Variants in RBM17 observed in about 807,000 individuals in gnomAD.
The protein encoded by RBM17 is RNA binding motif protein 17, also known as splicing factor 45.
Under a neutral mutation model 53.2 loss-of-function variants are expected in RBM17, and 7 were observed. That is an observed-to-expected ratio of 0.13 (90% CI 0.07 to 0.25). The LOEUF (loss-of-function observed/expected upper bound fraction) is 0.25. RBM17 is among the 10% of genes least tolerant of loss of function. RBM17 has a pLI of 1.00. For missense variants in RBM17, 257 were observed against 496.7 expected (o/e 0.52, Z 4.59); for synonymous variants, 167 against 178.1 (o/e 0.94, Z 0.50).
intron 3 of RBM17, among the ~76,000 whole-genome samples, chr10:6,101,643 G>A (rs1840671236): frequency 2.0e-5 from 3 of 152,108 alleles, no homozygotes; most frequent in African/African-American, 4.8e-5. Flanking sequence ...CATACAATCC[G>A]GAAGTGAAAA....
intron 9 of RBM17, 59 bp from the exon 10 acceptor site, chr10:6,113,990 C>A: frequency 9.2e-7 from 1 of 1,081,790 alleles, no homozygotes; most frequent in Non-Finnish European, 1.4e-6. Context: ...TTATATACCT[C>A]TGCTAGGTGT....
chr10:6,113,985 TAC>T, intron 9 of RBM17, 62 bp from the exon 10 acceptor site: 1 of 1,028,396 alleles, frequency 9.7e-7, no homozygotes, highest in South Asian at 1.4e-5. Context: ...CATATTTATA[TAC>T]CTCTGCTAGG....
intron 2 of RBM17, among the ~76,000 whole-genome samples, chr10:6,098,573 T>TTTTTTTTTTGG: frequency 8.2e-6 from 1 of 121,340 alleles, no homozygotes; most frequent in African/African-American, 3.0e-5. Context: ...GTTTTTTTTT[T>TTTTTTTTTTGG]TTTTTTTTTT....
intron 1 of RBM17, among the ~76,000 whole-genome samples, chr10:6,092,564 C>G (rs566325596): frequency 6.6e-6 from 1 of 152,134 alleles, no homozygotes; most frequent in African/African-American, 2.4e-5. Flanking sequence ...GTTTCTTAGT[C>G]TAGATCCTGT....
At chr10:6,108,497 C>T in intron 5 of RBM17, 189 bp from the exon 6 acceptor site, 1 of 488,958 alleles carries the variant, frequency 2.0e-6, no homozygotes, top group Non-Finnish European at 3.7e-6. Context: ...GGAGTGTTGC[C>T]ACTTTTCTAC....
intron 5 of RBM17, among the ~76,000 whole-genome samples, chr10:6,108,294 T>C (rs1338792059): frequency 6.6e-6 from 1 of 152,112 alleles, no homozygotes; most frequent in East Asian, 1.9e-4. Flanking sequence ...ACTTCAGAGG[T>C]CTGTGAAGCC....
intron 7 of RBM17, 94 bp downstream of exon 7, chr10:6,110,221 A>G (rs1263486852): frequency 1.5e-5 from 18 of 1,180,128 alleles, no homozygotes; most frequent in Non-Finnish European, 1.5e-5. Flanking sequence ...AACTGAGGAC[A>G]TTCAGGACCC....
At chr10:6,105,455 C>A (rs1443378077) in intron 4 of RBM17, among the ~76,000 whole-genome samples, 1 of 152,182 alleles carries the variant, frequency 6.6e-6, no homozygotes, top group Non-Finnish European at 1.5e-5. Context: ...TGCCAACATG[C>A]CGCTCAAAGG....
At chr10:6,113,950 T>C in intron 9 of RBM17, 99 bp from the exon 10 acceptor site, 1 of 764,680 alleles carries the variant, frequency 1.3e-6, no homozygotes, top group East Asian at 2.7e-5. Flanking sequence ...TCGTTTGGGA[T>C]TGAGAACATT....
At chr10:6,096,536 C>T (rs1036847664) in intron 1 of RBM17, among the ~76,000 whole-genome samples, 3 of 152,076 alleles carry the variant, frequency 2.0e-5, no homozygotes, top group African/African-American at 7.2e-5. Context: ...AAGATGTAAC[C>T]AGTCTACTCC....
At chr10:6,090,944 A>G (rs1214734567) in intron 1 of RBM17, among the ~76,000 whole-genome samples, 1 of 149,934 alleles carries the variant, frequency 6.7e-6, no homozygotes, top group African/African-American at 2.5e-5. Flanking sequence ...GCGGACACCA[A>G]AGTGCACCAC....
chr10:6,112,180 TAA>T lies in RBM17; in HGVS notation c.705-29_705-28del, dbSNP rs1840848840. On this transcript the variant is annotated intron_variant, in intron 7 of 11. Coordinates refer to ENST00000379888, the MANE Select transcript of RBM17 (RefSeq NM_032905.5). The surrounding 1 kb of genome is among the most constrained non-coding windows in gnomAD (Gnocchi z 4.4). ...TATCTCCAGTTGACGATGTCAAGGC[TAA>T]GAGTCCTTTCCCTTCTTCTCCTGCC... The T allele has an allele frequency of 1.2e-6, 2 of 1,604,572 alleles. No individual in the cohort carries two copies. The highest frequency in any genetic ancestry group is 1.7e-6 in the Non-Finnish European group (2 of 1,178,414).
At chr10:6,104,503 T>C (rs183396238) in intron 3 of RBM17, among the ~76,000 whole-genome samples, 13 of 152,342 alleles carry the variant, frequency 8.5e-5, no homozygotes, top group Admixed American at 2.0e-4. Flanking sequence ...AATCTGAAGT[T>C]ATTCTGTTAA....
chr10:6,092,869 T>C (rs1191036417), intron 1 of RBM17, among the ~76,000 whole-genome samples: 3 of 152,238 alleles, frequency 2.0e-5, no homozygotes, highest in Non-Finnish European at 2.9e-5. Flanking sequence ...TGAGGACCTT[T>C]AAATGAGCAT....
chr10:6,103,889 T>C (rs913715452), intron 3 of RBM17, among the ~76,000 whole-genome samples: 2 of 152,178 alleles, frequency 1.3e-5, no homozygotes, highest in African/African-American at 2.4e-5. Flanking sequence ...TTTGATACAG[T>C]TGGACATTGT....
rs201913283 is a variant in RBM17, at chr10:6,105,053, A to T, written c.363A>T (p.Arg121Ser). The change falls in exon 4 of 12, where the codon AGA becomes AGT. Residue 121 changes from arginine (R) to serine (S), a missense_variant. Coordinates refer to ENST00000379888, the MANE Select transcript of RBM17 (RefSeq NM_032905.5). ...VVKRQREERQ[R>S]QRELERQKEI... ...AGCGCCAAAGAGAGGAACGACAGAG[A>T]CAGCGGGAGCTGGAAAGACAAAAGG... The T allele has an allele frequency of 6.2e-7, 1 of 1,614,098 alleles. No homozygotes were observed. Among genetic ancestry groups the T allele is most frequent in the Non-Finnish European group, 8.5e-7 (1 of 1,179,936 alleles).
At chr10:6,108,873 ACC>A in intron 6 of RBM17, 131 bp downstream of exon 6, 3 of 490,924 alleles carry the variant, frequency 6.1e-6, no homozygotes, top group Non-Finnish European at 6.8e-6. Flanking sequence ...TGGCTCTGTC[ACC>A]TGAGGCCGCA....
intron 1 of RBM17, among the ~76,000 whole-genome samples, chr10:6,096,325 C>A (rs1840573686): frequency 6.6e-6 from 1 of 152,164 alleles, no homozygotes; most frequent in Non-Finnish European, 1.5e-5. Flanking sequence ...GCTGGGCTTT[C>A]ATGGGACCTG....
chr10:6,113,897 A>C, intron 9 of RBM17, 152 bp from the exon 10 acceptor site: 1 of 614,528 alleles, frequency 1.6e-6, no homozygotes. Context: ...GTTTTAAGAA[A>C]TACTAACTTT....
Sources: allele counts gnomAD v4.1 joint callset (sites outside exome capture counted in the v4.1 genomes callset), GRCh38; gene constraint gnomAD v4.1.1; non-coding constraint Gnocchi (gnomAD v3.1); transcripts MANE v1.5; gene names NCBI Gene and HGNC (gene_info 2026-07-23, HGNC 2026-07-21).